The following LEUTX variants were observed in gnomAD, a reference collection of about 807,000 sequenced individuals.
LEUTX encodes the protein leucine twenty homeobox.
A neutral mutation model predicts 4.5 loss-of-function variants in LEUTX; 5 were observed. The observed-to-expected ratio is 1.11, with a 90% CI of 0.58 to 2.34. The LOEUF is 2.34. Ranked by LOEUF, LEUTX falls within the 30% of genes most tolerant of loss-of-function variation. LEUTX has a pLI of 0.01. For synonymous variants in LEUTX, 89 were observed against 85.1 expected (o/e 1.05, Z -0.25); for missense variants, 233 against 239.4 (o/e 0.97, Z 0.18).
At chr19:39,783,841 T>C (rs2144958775) in intron 1 of LEUTX, among the ~76,000 whole-genome samples, 1 of 152,306 alleles carries the variant, frequency 6.6e-6, no homozygotes, top group East Asian at 1.9e-4. Context: ...GTTTGGTTTT[T>C]TTCTTGCTAA....
upstream of LEUTX, chr19:39,776,624 G>A (rs148289253): frequency 1.2e-4 from 55 of 456,152 alleles, no homozygotes; most frequent in African/African-American, 7.0e-4. Context: ...TCATGCCTCC[G>A]TGGAACCTGC....
rs754316195 is a variant in LEUTX at position 39,786,185 on chromosome 19, A to C, written c.*50A>C. The C allele has an allele frequency of 1.5e-6, 2 of 1,330,252 alleles. No homozygotes were observed. 82.4% of individuals were successfully genotyped at this position (1,330,252 alleles called of 1,614,324 possible). A position where few individuals can be genotyped will look rare whatever the true frequency, so the allele number is the denominator to read the frequency against. ...AGGTCTGGATCTGACCCACTGAGAC[A>C]TATTTCCACACATCTTTAATGGTTT... On this transcript the variant is annotated 3_prime_UTR_variant, in exon 3 of 3. Coordinates refer to ENST00000638280, the MANE Select transcript of LEUTX (RefSeq NM_001382345.1).
intron 1 of LEUTX, among the ~76,000 whole-genome samples, chr19:39,783,250 A>G (rs1967913940): frequency 6.8e-6 from 1 of 146,822 alleles, no homozygotes; most frequent in Admixed American, 6.9e-5. Flanking sequence ...TATAATTTAT[A>G]TATATATAAA....
In LEUTX at chr19:39,785,704, T is replaced by C. The variant is rs867912521; in HGVS notation, c.166T>C (p.Phe56Leu). 1 of 1,551,602 alleles carries C rather than the reference T, an allele frequency of 6.4e-7. No homozygotes were observed. Among genetic ancestry groups the C allele is most frequent in the Non-Finnish European group, 8.7e-7 (1 of 1,146,840 alleles). ...QLDLSVVKIWFKNQRAKWKRQ... is the reference protein window; with the variant it reads ...QLDLSVVKIWLKNQRAKWKRQ... ...CCCCCTCCTCCCTCCTTAGATCTGGTTCAAGAACCAGCGTGCCAAATGGAA... is the reference window on the plus strand; with the variant it reads ...CCCCCTCCTCCCTCCTTAGATCTGGCTCAAGAACCAGCGTGCCAAATGGAA... The change falls in exon 3 of 3, where the codon TTC (phenylalanine) becomes CTC (leucine). Residue 56 changes from phenylalanine (F) to leucine (L), a missense_variant. By Grantham distance (22) the Phe-to-Leu change is conservative (BLOSUM62 0). Transcript: ENST00000638280.
At chr19:39,785,194 T>G (rs1967947341) in intron 2 of LEUTX, among the ~76,000 whole-genome samples, 1 of 152,176 alleles carries the variant, frequency 6.6e-6, no homozygotes, top group South Asian at 2.1e-4. Context: ...ATCCCAGCAC[T>G]TTGGGAGGTG....
intron 1 of LEUTX, among the ~76,000 whole-genome samples, chr19:39,783,130 G>A (rs1426507174): frequency 6.6e-6 from 1 of 151,378 alleles, no homozygotes; most frequent in Non-Finnish European, 1.5e-5. Context: ...AACATATGAT[G>A]TTTGGTTTTC....
chr19:39,781,188 G>T (rs1307930629), intron 1 of LEUTX, among the ~76,000 whole-genome samples: 1 of 150,656 alleles, frequency 6.6e-6, no homozygotes, highest in Non-Finnish European at 1.5e-5. Context: ...TTCTCCCTTT[G>T]TGTCTAAACA....
chr19:39,785,963 A>T lies in LEUTX; in HGVS notation c.425A>T (p.Asp142Val). 1 of 1,551,778 alleles carries T rather than the reference A, an allele frequency of 6.4e-7. No homozygotes were observed. Among genetic ancestry groups the T allele is most frequent in the South Asian group, 1.2e-5 (1 of 84,066 alleles). The change falls in exon 3 of 3, where the codon GAC (aspartate) becomes GTC (valine). Residue 142 changes from aspartate to valine, a missense_variant. Physicochemically the swap from Asp to Val is radical, Grantham distance 152. Transcript: ENST00000638280. ...TCATCCTGGGATTCTCAGTCATATG[A>T]CATTGAACAGATATGTCTGGGGGCT... ...RVSSWDSQSY[D>V]IEQICLGASN... is the part of the protein sequence containing the mutation.
intron 1 of LEUTX, among the ~76,000 whole-genome samples, chr19:39,782,390 T>A (rs1967899799): frequency 6.6e-6 from 1 of 152,168 alleles, no homozygotes; most frequent in South Asian, 2.1e-4. Flanking sequence ...GTTTCCCCTT[T>A]TGCTTAGGTC....
intron 1 of LEUTX, among the ~76,000 whole-genome samples, chr19:39,779,698 G>A (rs1284076665): frequency 6.6e-6 from 1 of 152,044 alleles, no homozygotes; most frequent in Admixed American, 6.6e-5. Flanking sequence ...TTTTATAATT[G>A]TACTTGTAAA....
At chr19:39,777,504 T>C (rs1599614911), upstream of LEUTX, among the ~76,000 whole-genome samples, 1 of 152,330 alleles carries the variant, frequency 6.6e-6, no homozygotes, top group East Asian at 1.9e-4. Context: ...CCTTTGAATA[T>C]ATCACTCTCT....
At chr19:39,780,753 T>C (rs1465958643) in intron 1 of LEUTX, among the ~76,000 whole-genome samples, 1 of 152,156 alleles carries the variant, frequency 6.6e-6, no homozygotes, top group East Asian at 1.9e-4. Context: ...ACATTTGTCT[T>C]ATCAGATTTT....
At chr19:39,781,322 T>C (rs528223987) in intron 1 of LEUTX, among the ~76,000 whole-genome samples, 94 of 152,288 alleles carry the variant, frequency 6.2e-4, no homozygotes, top group African/African-American at 2.0e-3. Context: ...ATCCTGAAAA[T>C]AGAAACTTTC....
chr19:39,784,299 A>C (rs576226144), intron 1 of LEUTX, among the ~76,000 whole-genome samples: 40 of 152,034 alleles, frequency 2.6e-4, no homozygotes, highest in South Asian at 1.5e-3. Flanking sequence ...TCCATTGCTG[A>C]TGAACTAATG....
At chr19:39,777,872 T>A (rs908556603), upstream of LEUTX, among the ~76,000 whole-genome samples, 3 of 152,184 alleles carry the variant, frequency 2.0e-5, no homozygotes, top group African/African-American at 7.2e-5. Context: ...CTACCTGCAA[T>A]GTTCCCAGAG....
chr19:39,780,656 A>G (rs1254146187), intron 1 of LEUTX, among the ~76,000 whole-genome samples: 1 of 151,848 alleles, frequency 6.6e-6, no homozygotes, highest in Admixed American at 6.6e-5. Flanking sequence ...CCACTTTTGT[A>G]TACTTTTTCT....
chr19:39,778,013 G>A (rs571912798), upstream of LEUTX, among the ~76,000 whole-genome samples: 1 of 152,252 alleles, frequency 6.6e-6, no homozygotes, highest in Non-Finnish European at 1.5e-5. Context: ...GCTTCAGAAA[G>A]CTTGGGTCCA....
intron 1 of LEUTX, among the ~76,000 whole-genome samples, chr19:39,779,930 C>T (rs1239914767): frequency 6.6e-6 from 1 of 152,150 alleles, no homozygotes; most frequent in Non-Finnish European, 1.5e-5. Flanking sequence ...ACAAGAATTG[C>T]TTGAACCTGG....
chr19:39,780,892 TG>T (rs1307416697), intron 1 of LEUTX, among the ~76,000 whole-genome samples: 2 of 151,964 alleles, frequency 1.3e-5, no homozygotes, highest in Non-Finnish European at 2.9e-5. Context: ...TTAGTAGAGA[TG>T]GGGTTTCACC....
Sources: gnomAD v4.1 joint callset for allele counts (sites outside exome capture counted in the v4.1 genomes callset) on GRCh38, gnomAD v4.1.1 for gene constraint, MANE v1.5 for transcripts, NCBI Gene and HGNC (gene_info 2026-07-23, HGNC 2026-07-21) for gene names.